The following APOBEC3H variants were observed in gnomAD, a reference collection of about 807,000 sequenced individuals.
APOBEC3H encodes the protein DNA dC->dU-editing enzyme APOBEC-3H.
APOBEC3H carries 8 observed loss-of-function variants against 21.2 expected under a neutral mutation model. The observed-to-expected ratio is 0.38, with a 90% CI of 0.22 to 0.68. The LOEUF is 0.68. Ranked by LOEUF, APOBEC3H falls within the 30% of genes least tolerant of loss-of-function variation. The pLI, the probability that APOBEC3H is intolerant of heterozygous loss-of-function variation, is 0.52. For missense variants in APOBEC3H, 229 were observed against 228.1 expected, an observed-to-expected ratio of 1.00 and a Z score of -0.03; for synonymous variants, 88 against 91.0, an observed-to-expected ratio of 0.97 and a Z score of 0.19.
At chr22:39,100,483 T>A in intron 2 of APOBEC3H, 55 bp downstream of exon 2, 1 of 1,563,632 alleles carries the variant, frequency 6.4e-7, no homozygotes, top group Non-Finnish European at 8.7e-7. Context: ...CCATCTGATG[T>A]GTGCAGAAAA....
rs200960035 is a variant in APOBEC3H at position 39,102,010 on chromosome 22, C to T, written c.511C>T (p.Arg171Ter). 8.3e-6 allele frequency: 13 copies of T among 1,557,972 alleles called. No homozygotes were observed. The highest frequency in any genetic ancestry group is 1.8e-4 in the Middle Eastern group (1 of 5,710). Residue 171 changes from arginine to a stop codon, truncating the protein, a stop_gained, in exon 4 of 5, where the codon CGA becomes TGA. Coordinates refer to ENST00000442487, the MANE Select transcript of APOBEC3H (RefSeq NM_181773.5). LOFTEE classifies it low-confidence loss of function (END_TRUNC). Reference protein sequence around the residue: ...KMLEELDKNSRAIKRRLERIK... With the variant: ...KMLEELDKNS ...GTTAGAGGAGCTAGATAAAAACAGT[C>T]GAGCCATAAAGCGACGGCTTGAGAG...
At position 39,100,707 on chromosome 22, in the gene APOBEC3H, G is replaced by A. The variant is rs144786172; in HGVS notation, c.150+279G>A. Among the ~76,000 whole-genome samples the A allele has an allele frequency of 3.4e-3, 524 of 152,154 alleles. 2 individuals are homozygous for A. The highest frequency in any genetic ancestry group is 0.012 in the African/African-American group (499 of 41,486). On this transcript the variant is annotated intron_variant, in intron 2 of 4. Transcript: ENST00000442487. ...GCCCCTCTCATTTACTCATTCTCCC[G>A]ATCTCAGCTCAGTCACTACTTCGGG...
Position 39,104,035 on chromosome 22 carries a change from A to C in APOBEC3H, c.*338A>C. On this transcript the variant is annotated 3_prime_UTR_variant, in exon 5 of 5. Coordinates refer to ENST00000442487, the MANE Select transcript of APOBEC3H (RefSeq NM_181773.5). ...AATCCTAGCACTTTGGGAGGCTGAG[A>C]TGCTCGGCCAATAAATTTCTATTGT... The C allele has an allele frequency of 1.1e-5, 4 of 370,262 alleles. No individual in the cohort carries two copies. Among genetic ancestry groups the C allele is most frequent in the Non-Finnish European group, 2.0e-5 (4 of 202,224 alleles). The allele number at this position is 370,262 out of a possible 1,614,324, so 22.9% of individuals were successfully genotyped here.
rs1198827363 is a variant in APOBEC3H at position 39,103,704 on chromosome 22, G to C, written c.*7G>C. On this transcript the variant is annotated 3_prime_UTR_variant, in exon 5 of 5. Transcript: ENST00000442487. ...TCCCTCTCAGCAGTCCTGAAGTGTG[G>C]ATGTTTTAGAGAATGACTTAAGAAG... 1 of 1,614,068 alleles carries C rather than the reference G, an allele frequency of 6.2e-7. No individual in the cohort carries two copies. Among genetic ancestry groups the C allele is most frequent in the South Asian group, 1.1e-5 (1 of 91,078 alleles).
At chr22:39,102,108 A>G in intron 4 of APOBEC3H, 66 bp downstream of exon 4, 1 of 1,582,574 alleles carries the variant, frequency 6.3e-7, no homozygotes, top group South Asian at 1.2e-5. Context: ...ATACCCAGTC[A>G]CACCTCTGCC....
Position 39,102,020 on chromosome 22 carries a change from A to T in APOBEC3H, c.521A>T (p.Lys174Met). Reference sequence around the variant, plus strand: ...CTAGATAAAAACAGTCGAGCCATAAAGCGACGGCTTGAGAGGATAAAGGTG... The same window carrying T: ...CTAGATAAAAACAGTCGAGCCATAATGCGACGGCTTGAGAGGATAAAGGTG... ...EELDKNSRAIKRRLERIKQS is the reference protein window; with the variant it reads ...EELDKNSRAIMRRLERIKQS Residue 174 changes from lysine (K) to methionine (M), a missense_variant, in exon 4 of 5, where the codon AAG (lysine) becomes ATG (methionine). Physicochemically the swap from Lys to Met is moderately conservative, Grantham distance 95. Coordinates refer to ENST00000442487, the MANE Select transcript of APOBEC3H (RefSeq NM_181773.5). The T allele has an allele frequency of 1.2e-6, 2 of 1,613,896 alleles. No individual in the cohort carries two copies. Among genetic ancestry groups the T allele is most frequent in the South Asian group, 2.2e-5 (2 of 91,072 alleles).
Position 39,103,622 on chromosome 22 carries a change from C to T in APOBEC3H, c.544-67C>T, listed in dbSNP as rs145000727. The T allele has an allele frequency of 3.0e-4, 462 of 1,535,782 alleles. 6 individuals are homozygous for T. The East Asian group carries it at 0.01, about 34-fold the overall frequency. ...CTTCCTAATGATCTCATCCTCACCT[C>T]TCCCTCCCTTCCTCCCTGTGGTGTC... On this transcript the variant is annotated intron_variant, in intron 4 of 4. Transcript: ENST00000442487.
chr22:39,101,418 T>C lies in APOBEC3H; in HGVS notation c.332T>C (p.Leu111Pro), dbSNP rs1265318964. 1.9e-6 allele frequency: 3 copies of C among 1,611,938 alleles called. No individual in the cohort carries two copies. The highest frequency in any genetic ancestry group is 2.2e-5 in the East Asian group (1 of 44,746). ...HLNLGIFASR[L>P]YYHWCKPQQK... ...AACCTGGGCATCTTCGCCTCCCGCC[T>C]GTACTACCACTGGTGCAAGCCCCAG... Residue 111 changes from leucine to proline, a missense_variant, in exon 3 of 5, where the codon CTG (leucine) becomes CCG (proline). Leu to Pro is a moderately conservative substitution (Grantham distance 98). Coordinates refer to ENST00000442487, the MANE Select transcript of APOBEC3H (RefSeq NM_181773.5).
intron 4 of APOBEC3H, among the ~76,000 whole-genome samples, chr22:39,103,033 T>C (rs1929464162): frequency 6.9e-6 from 1 of 145,730 alleles, no homozygotes; most frequent in East Asian, 2.1e-4. Flanking sequence ...ATGCCTGTAA[T>C]CCCAGCACTT....
chr22:39,103,277 G>A (rs1405378347), intron 4 of APOBEC3H, among the ~76,000 whole-genome samples: 2 of 152,060 alleles, frequency 1.3e-5, no homozygotes, highest in Admixed American at 1.3e-4. Flanking sequence ...ACAGAGTGAG[G>A]CTTTGCTTAA....
At chr22:39,098,233 C>T (rs6001429) in intron 1 of APOBEC3H, among the ~76,000 whole-genome samples, 21,215 of 152,266 alleles carry the variant, frequency 0.14, 2,108 homozygotes, top group African/African-American at 0.28. Context: ...AAGTGCTACC[C>T]TGATTTTTTG....
intron 4 of APOBEC3H, among the ~76,000 whole-genome samples, chr22:39,103,405 A>G (rs1929482469): frequency 6.6e-6 from 1 of 152,268 alleles, no homozygotes; most frequent in African/African-American, 2.4e-5. Flanking sequence ...GTCTATGCAA[A>G]GAATTTATGA....
intron 3 of APOBEC3H, among the ~76,000 whole-genome samples, 198 bp from the exon 4 acceptor site, chr22:39,101,720 C>CG (rs1308078591): frequency 0.035 from 594 of 16,784 alleles, 20 homozygotes; most frequent in Middle Eastern, 0.19. Context: ...TGGCGGGGAG[C>CG]GGGGGGTCTG....
chr22:39,097,615 C>T (rs1051678224), intron 1 of APOBEC3H, among the ~76,000 whole-genome samples: 33 of 152,320 alleles, frequency 2.2e-4, no homozygotes, highest in African/African-American at 7.9e-4. Flanking sequence ...GCTAGTGCTC[C>T]CCACCTTGGG....
rs1427946652 is a variant in APOBEC3H, at chr22:39,101,936, A to G, written c.437A>G (p.Glu146Gly). 6.2e-7 allele frequency: 1 copy of G among 1,613,846 alleles called. No individual in the cohort carries two copies. The highest frequency in any genetic ancestry group is 1.3e-5 in the African/African-American group (1 of 74,938). The change falls in exon 4 of 5, where the codon GAA becomes GGA. Residue 146 changes from glutamate (E) to glycine (G), a missense_variant. Glu to Gly is a moderately conservative substitution (Grantham distance 98, BLOSUM62 -2). Coordinates refer to ENST00000442487, the MANE Select transcript of APOBEC3H (RefSeq NM_181773.5). Reference protein sequence around the residue: ...MGFPEFADCWENFVDHEKPLS... With the variant: ...MGFPEFADCWGNFVDHEKPLS... ...CTCTCAGAGTTTGCTGACTGCTGGG[A>G]AAACTTTGTGGACCACGAGAAACCG...
intron 4 of APOBEC3H, 49 bp from the exon 5 acceptor site, chr22:39,103,640 G>A (rs2146328813): frequency 1.9e-6 from 3 of 1,590,630 alleles, no homozygotes; most frequent in African/African-American, 1.3e-5. Context: ...CTTCCTCCCT[G>A]TGGTGTCCCA....
chr22:39,101,567 C>A (rs1929338598), intron 3 of APOBEC3H, 63 bp downstream of exon 3: 1 of 402,902 alleles, frequency 2.5e-6, no homozygotes, highest in Non-Finnish European at 4.6e-6. Flanking sequence ...TTGGCAGGGG[C>A]TGGGGGTTGG....
At chr22:39,099,483 C>T (rs974676788) in intron 1 of APOBEC3H, among the ~76,000 whole-genome samples, 1 of 151,992 alleles carries the variant, frequency 6.6e-6, no homozygotes, top group Non-Finnish European at 1.5e-5. Flanking sequence ...ATGTAGGGGT[C>T]GAGAGGCCTG....
At chr22:39,102,985 A>G in intron 4 of APOBEC3H, among the ~76,000 whole-genome samples, 1 of 112,070 alleles carries the variant, frequency 8.9e-6, no homozygotes, top group Admixed American at 8.7e-5. Flanking sequence ...AAAAAAAAAA[A>G]AAAAAATTAA....
Sources: allele counts gnomAD v4.1 joint callset (sites outside exome capture counted in the v4.1 genomes callset), GRCh38; gene constraint gnomAD v4.1.1; transcripts MANE v1.5; gene names NCBI Gene and HGNC (gene_info 2026-07-23, HGNC 2026-07-21).